Variants in RANBP2 observed in about 807,000 individuals in gnomAD.
The protein encoded by RANBP2 is RAN binding protein 2.
Under a neutral mutation model 303.6 loss-of-function variants are expected in RANBP2, and 57 were observed. The observed-to-expected ratio is 0.19, with a 90% CI of 0.15 to 0.23. The LOEUF (loss-of-function observed/expected upper bound fraction) is 0.23, where lower values mean the gene tolerates loss of function less well. RANBP2 is among the 10% of genes least tolerant of loss of function. The probability of loss-of-function intolerance (pLI) is 1.00; values close to 1 mark genes in which losing one functional copy is unlikely to be tolerated. For synonymous variants in RANBP2, 1,167 were observed against 1,301.5 expected (o/e 0.90, Z 2.23); for missense variants, 3,138 against 3,780.8 (o/e 0.83, Z 4.46).
chr2:109,624,268 G>T, the RANBP2 span, among the ~76,000 whole-genome samples: 2 of 152,216 alleles, frequency 1.3e-5, no homozygotes, highest in African/African-American at 4.8e-5. Flanking sequence ...GCTAGCCTGA[G>T]AAATTGATTC....
chr2:108,760,280 A>C (rs1393340530), intron 18 of RANBP2, among the ~76,000 whole-genome samples: 2 of 152,198 alleles, frequency 1.3e-5, no homozygotes, highest in Middle Eastern at 3.2e-3. Flanking sequence ...CTATACATAT[A>C]GTATTTTTTA....
chr2:109,522,383 C>T, the RANBP2 span, among the ~76,000 whole-genome samples: 1 of 152,046 alleles, frequency 6.6e-6, no homozygotes, highest in South Asian at 2.1e-4. Context: ...CCTCTGCCTC[C>T]TGGGTTCAAG....
chr2:109,408,537 G>A, the RANBP2 span, among the ~76,000 whole-genome samples: 1 of 152,198 alleles, frequency 6.6e-6, no homozygotes, highest in Non-Finnish European at 1.5e-5. Flanking sequence ...CCCAGGCCGG[G>A]TTCGCTCTCA....
At chr2:109,413,546 G>A in the RANBP2 span, among the ~76,000 whole-genome samples, 2 of 152,208 alleles carry the variant, frequency 1.3e-5, no homozygotes, top group Admixed American at 1.3e-4. Flanking sequence ...GTGTCTCTGT[G>A]TCTTCCTGTC....
intron 9 of RANBP2, among the ~76,000 whole-genome samples, chr2:108,750,976 T>C (rs1478341374): frequency 3.3e-5 from 5 of 152,176 alleles, no homozygotes; most frequent in African/African-American, 1.2e-4. Context: ...TTATTTGGCT[T>C]TTGTCAGTTG....
chr2:109,436,979 C>T, the RANBP2 span: 4 of 1,613,870 alleles, frequency 2.5e-6, no homozygotes, highest in Admixed American at 3.3e-5. Flanking sequence ...ACCATGCACC[C>T]AGGCAGTGGG....
the RANBP2 span, among the ~76,000 whole-genome samples, chr2:109,641,650 A>C: frequency 6.6e-6 from 1 of 152,152 alleles, no homozygotes; most frequent in African/African-American, 2.4e-5. Context: ...AAGGATGGAA[A>C]AGTTCTCCAG....
At chr2:108,723,422 C>T (rs1174223906) in intron 1 of RANBP2, among the ~76,000 whole-genome samples, 1 of 151,956 alleles carries the variant, frequency 6.6e-6, no homozygotes, top group Non-Finnish European at 1.5e-5. Context: ...CTACAGGCAC[C>T]CGCCACCACA....
At chr2:108,720,692 G>T (rs1458341403) in intron 1 of RANBP2, among the ~76,000 whole-genome samples, 1 of 152,180 alleles carries the variant, frequency 6.6e-6, no homozygotes, top group African/African-American at 2.4e-5. Context: ...TAAACATTTA[G>T]GGTATTGCTT....
chr2:109,716,452 A>G, the RANBP2 span, among the ~76,000 whole-genome samples: 1 of 152,062 alleles, frequency 6.6e-6, no homozygotes, highest in East Asian at 1.9e-4. Context: ...GGGTTTCACC[A>G]TCTTGGCCAG....
the RANBP2 span, among the ~76,000 whole-genome samples, chr2:109,140,727 T>C: frequency 3.3e-5 from 5 of 152,184 alleles, no homozygotes; most frequent in African/African-American, 1.2e-4. Context: ...TTTTCCCTTC[T>C]GCAAAAGGCC....
the RANBP2 span, among the ~76,000 whole-genome samples, chr2:109,233,124 T>TA: frequency 6.6e-6 from 1 of 152,180 alleles, no homozygotes; most frequent in Non-Finnish European, 1.5e-5. Flanking sequence ...AATGCTCCTT[T>TA]AGCAGTTGCT....
chr2:109,626,016 GTATA>G, the RANBP2 span, among the ~76,000 whole-genome samples: 1 of 152,092 alleles, frequency 6.6e-6, no homozygotes, highest in Non-Finnish European at 1.5e-5. Flanking sequence ...TAAAGCTAGG[GTATA>G]TATTTGTCTA....
chr2:109,252,266 A>AC, the RANBP2 span, among the ~76,000 whole-genome samples: 1 of 151,804 alleles, frequency 6.6e-6, no homozygotes, highest in Non-Finnish European at 1.5e-5. Context: ...AAAAAAAAAA[A>AC]AACTTTCAAC....
the RANBP2 span, among the ~76,000 whole-genome samples, chr2:109,652,360 C>A: frequency 2.0e-5 from 3 of 151,952 alleles, no homozygotes; most frequent in South Asian, 4.2e-4. Flanking sequence ...GAAGCTGGGA[C>A]TACAGGCACC....
the RANBP2 span, among the ~76,000 whole-genome samples, chr2:109,291,813 C>G: frequency 6.6e-6 from 1 of 152,210 alleles, no homozygotes; most frequent in African/African-American, 2.4e-5. Context: ...TGTCAAGGAG[C>G]AGCTCCAAAC....
the RANBP2 span, among the ~76,000 whole-genome samples, chr2:109,289,144 C>G: frequency 6.6e-6 from 1 of 152,164 alleles, no homozygotes; most frequent in Admixed American, 6.5e-5. Flanking sequence ...AAATTATTAA[C>G]TATCTCCTCC....
chr2:109,198,783 G>A, the RANBP2 span, among the ~76,000 whole-genome samples: 5,625 of 152,262 alleles, frequency 0.037, 126 homozygotes, highest in Middle Eastern at 0.071. Context: ...CCAAACCTAG[G>A]AAGTACAGCC....
Position 108,775,809 on chromosome 2 carries a change from C to G in RANBP2, c.8370C>G (p.Phe2790Leu), listed in dbSNP as rs150773903. 204 of 1,613,904 alleles carry G rather than the reference C, an allele frequency of 1.3e-4. 1 individual carries two copies. The East Asian group carries it at 4.4e-3, about 35-fold the overall frequency. Residue 2790 changes from phenylalanine to leucine, a missense_variant, in exon 24 of 29, where the codon TTC becomes TTG. Coordinates refer to ENST00000283195, the MANE Select transcript of RANBP2 (RefSeq NM_006267.5). ...GGACTGAAGTGATGGTACCTTCTTT[C>G]TGTAAATCTGAAGAACCTGATTCTA... ...TGGTEVMVPS[F>L]CKSEEPDSIT...
Sources: gnomAD v4.1 joint callset for allele counts (sites outside exome capture counted in the v4.1 genomes callset) on GRCh38, gnomAD v4.1.1 for gene constraint, MANE v1.5 for transcripts, NCBI Gene and HGNC (gene_info 2026-07-23, HGNC 2026-07-21) for gene names.